The following GRIK1 variants were observed in gnomAD, a reference collection of about 807,000 sequenced individuals.
GRIK1 encodes the protein glutamate ionotropic receptor kainate type subunit 1.
GRIK1 carries 69 observed loss-of-function variants against 105.7 expected under a neutral mutation model. The ratio of observed to expected loss-of-function variants is 0.65; its 90% CI spans 0.54 to 0.80. GRIK1 has a LOEUF of 0.80. Ranked by LOEUF, GRIK1 falls within the 30% of genes least tolerant of loss-of-function variation. The pLI is 0.00. For missense variants in GRIK1, 1,109 were observed against 1,167.3 expected (o/e 0.95, Z 0.73); for synonymous variants, 438 against 431.3 (o/e 1.02, Z -0.19).
intron 1 of GRIK1, among the ~76,000 whole-genome samples, chr21:29,868,767 C>T (rs1448409124): frequency 6.6e-6 from 1 of 151,824 alleles, no homozygotes; most frequent in East Asian, 1.9e-4. Flanking sequence ...CTTTTGCTAT[C>T]ATTGTCAGGA....
chr21:29,813,664 T>C (rs943997462), intron 1 of GRIK1, among the ~76,000 whole-genome samples: 1 of 152,150 alleles, frequency 6.6e-6, no homozygotes, highest in African/African-American at 2.4e-5. Context: ...ACATTCAATA[T>C]AGTTTACATA....
chr21:29,613,165 A>G (rs1463539102), intron 7 of GRIK1, among the ~76,000 whole-genome samples: 1 of 152,208 alleles, frequency 6.6e-6, no homozygotes, highest in Non-Finnish European at 1.5e-5. Context: ...CCTAACAAAA[A>G]TCCAGTTCCC....
At chr21:29,765,053 G>A (rs2065624174) in intron 1 of GRIK1, among the ~76,000 whole-genome samples, 1 of 152,162 alleles carries the variant, frequency 6.6e-6, no homozygotes, top group South Asian at 2.1e-4. Flanking sequence ...AGAAAAAATA[G>A]TGAGATATAT....
chr21:29,824,299 C>T (rs464028), intron 1 of GRIK1, among the ~76,000 whole-genome samples: 128,927 of 151,880 alleles, frequency 0.85, 54,808 homozygotes, highest in East Asian at 0.91. Context: ...CATTCATTCA[C>T]TGAAAACATT....
chr21:29,777,654 C>T (rs1016184851), intron 1 of GRIK1, among the ~76,000 whole-genome samples: 9 of 152,126 alleles, frequency 5.9e-5, no homozygotes, highest in Non-Finnish European at 1.3e-4. Context: ...AAAACCATAT[C>T]AAGAAGTTTG....
At chr21:29,577,548 G>A (rs552127657) in intron 13 of GRIK1, among the ~76,000 whole-genome samples, 17 of 152,072 alleles carry the variant, frequency 1.1e-4, no homozygotes, top group Admixed American at 2.0e-4. Flanking sequence ...AATATTCTGC[G>A]TCTTTGTATA....
intron 1 of GRIK1, among the ~76,000 whole-genome samples, chr21:29,776,613 T>G (rs1209371158): frequency 6.6e-6 from 1 of 152,174 alleles, no homozygotes; most frequent in Non-Finnish European, 1.5e-5. Flanking sequence ...TGGTATTTAT[T>G]AACGGTGACA....
chr21:29,762,558 G>A (rs1440717715), intron 1 of GRIK1, among the ~76,000 whole-genome samples: 1 of 152,134 alleles, frequency 6.6e-6, no homozygotes, highest in African/African-American at 2.4e-5. Context: ...AGGAAAAGAG[G>A]TAAATAACTT....
chr21:29,916,545 G>A (rs1386558543), intron 1 of GRIK1, among the ~76,000 whole-genome samples: 1 of 151,874 alleles, frequency 6.6e-6, no homozygotes, highest in Non-Finnish European at 1.5e-5. Flanking sequence ...ACATTTAACT[G>A]AAAGGGGCTT....
At chr21:29,933,941 A>C (rs967065523) in intron 1 of GRIK1, among the ~76,000 whole-genome samples, 2 of 139,416 alleles carry the variant, frequency 1.4e-5, no homozygotes, top group Non-Finnish European at 3.1e-5. Flanking sequence ...ACAACAAAAC[A>C]GAATTGAGAT....
chr21:29,755,128 T>G (rs2065302970), intron 1 of GRIK1, among the ~76,000 whole-genome samples: 1 of 152,230 alleles, frequency 6.6e-6, no homozygotes, highest in South Asian at 2.1e-4. Context: ...CAGATTGTAG[T>G]GATGGATAAA....
chr21:29,935,565 C>T (rs910050285), intron 1 of GRIK1, among the ~76,000 whole-genome samples: 1 of 152,148 alleles, frequency 6.6e-6, no homozygotes, highest in Admixed American at 6.5e-5. Context: ...TTAAAATATC[C>T]AAAATGATGC....
intron 7 of GRIK1, among the ~76,000 whole-genome samples, chr21:29,601,044 T>G (rs1339974878): frequency 3.9e-5 from 6 of 152,210 alleles, no homozygotes; most frequent in Non-Finnish European, 8.8e-5. Context: ...TGCCCAAATA[T>G]CTAGTCAAAC....
At chr21:29,772,256 G>T (rs576126928) in intron 1 of GRIK1, among the ~76,000 whole-genome samples, 14 of 152,064 alleles carry the variant, frequency 9.2e-5, no homozygotes, top group African/African-American at 3.4e-4. Flanking sequence ...GTTCATTATT[G>T]AAGAAGGCTG....
intron 1 of GRIK1, among the ~76,000 whole-genome samples, chr21:29,703,830 C>A (rs1038044370): frequency 1.3e-5 from 2 of 152,106 alleles, no homozygotes; most frequent in Non-Finnish European, 1.5e-5. Flanking sequence ...GTATTAGTAT[C>A]CTTTAGAGGG....
rs2062546514 is a variant in GRIK1 at position 29,643,024 on chromosome 21, T to C, written c.955-55A>G. The C allele has an allele frequency of 1.4e-5, 22 of 1,544,076 alleles. No individual in the cohort carries two copies. The Admixed American group carries it at 2.9e-4, about 20-fold the overall frequency. On this transcript the variant is annotated intron_variant, in intron 6 of 17. Transcript: ENST00000327783. Reference sequence around the variant, plus strand: ...AATTCCACTTTTGCTTACCTTCCTTTACTTGCATAATCACTCTCCCTGCTT... The same window carrying C: ...AATTCCACTTTTGCTTACCTTCCTTCACTTGCATAATCACTCTCCCTGCTT...
In GRIK1 at chr21:29,932,023, A is replaced by G. The variant is rs118000993; in HGVS notation, c.118+7360T>C. On this transcript the variant is annotated intron_variant, in intron 1 of 17. Transcript: ENST00000327783. ...TTGTTAAATGAAAACACACAGGCAT[A>G]ATTCTAATATAAAAATCTGCATTAT... Among the ~76,000 whole-genome samples, 396 of 152,326 alleles carry G rather than the reference A, an allele frequency of 2.6e-3. 3 individuals are homozygous for G. The highest frequency in any genetic ancestry group is 3.5e-3 in the Non-Finnish European group (237 of 68,032).
intron 1 of GRIK1, among the ~76,000 whole-genome samples, chr21:29,704,831 G>A (rs1361366295): frequency 6.6e-6 from 1 of 152,182 alleles, no homozygotes; most frequent in African/African-American, 2.4e-5. Context: ...TTAACATCAT[G>A]AAGGTATGGC....
intron 7 of GRIK1, among the ~76,000 whole-genome samples, chr21:29,602,698 G>A (rs570115968): frequency 1.1e-4 from 16 of 152,326 alleles, no homozygotes; most frequent in Non-Finnish European, 2.1e-4. Flanking sequence ...AGTTTGCCAT[G>A]AGACACTAAT....
Sources: allele counts gnomAD v4.1 joint callset (sites outside exome capture counted in the v4.1 genomes callset), GRCh38; gene constraint gnomAD v4.1.1; transcripts MANE v1.5; gene names NCBI Gene and HGNC (gene_info 2026-07-23, HGNC 2026-07-21).